The following RELN variants were observed in gnomAD, a reference collection of about 807,000 sequenced individuals.
RELN encodes the protein reelin.
Under a neutral mutation model 427.6 loss-of-function variants are expected in RELN, and 108 were observed. That is an observed-to-expected ratio of 0.25 (90% confidence interval 0.22 to 0.30). The LOEUF (loss-of-function observed/expected upper bound fraction) is 0.30. RELN is among the 10% of genes least tolerant of loss of function. The probability of loss-of-function intolerance (pLI) is 1.00; values close to 1 mark genes in which losing one functional copy is unlikely to be tolerated. For missense variants in RELN, 3,715 were observed against 4,302.8 expected (o/e 0.86, Z 3.82); for synonymous variants, 1,524 against 1,513.4 (o/e 1.01, Z -0.16).
chr7:103,909,718 AT>A lies in RELN; in HGVS notation c.337+7356del, dbSNP rs1290620289. On this transcript the variant is annotated intron_variant, in intron 2 of 64. Coordinates refer to ENST00000428762, the MANE Select transcript of RELN (RefSeq NM_005045.4). ...ATATATTTAATATATATAAATATAT[AT>A]TAAATATATTTTTTAATATATATAA... 2.0e-4 allele frequency among the ~76,000 whole-genome samples: 6 copies of A among 30,172 alleles called. 1 individual carries two copies. Among genetic ancestry groups the A allele is most frequent in the South Asian group, 2.1e-3 (2 of 960 alleles). 19.8% of individuals were successfully genotyped at this position (30,172 alleles called of 152,430 possible).
chr7:103,670,238 A>G (rs1465711154), intron 11 of RELN, among the ~76,000 whole-genome samples: 1 of 152,144 alleles, frequency 6.6e-6, no homozygotes, highest in Non-Finnish European at 1.5e-5. Flanking sequence ...TAGCTTGGCA[A>G]TAACTATCAA....
At chr7:103,820,159 T>C (rs2116368475) in intron 3 of RELN, among the ~76,000 whole-genome samples, 1 of 152,208 alleles carries the variant, frequency 6.6e-6, no homozygotes, top group East Asian at 1.9e-4. Context: ...TGTCTTAGGG[T>C]TAAATAGTAC....
intron 2 of RELN, among the ~76,000 whole-genome samples, chr7:103,907,730 A>G (rs1795245424): frequency 6.6e-6 from 1 of 151,872 alleles, no homozygotes; most frequent in Non-Finnish European, 1.5e-5. Context: ...CTTTAAAAGA[A>G]TATCTGAGAA....
intron 36 of RELN, among the ~76,000 whole-genome samples, chr7:103,558,847 C>T (rs1276835177): frequency 1.3e-5 from 2 of 152,158 alleles, no homozygotes; most frequent in African/African-American, 4.8e-5. Context: ...TGACTCTTTA[C>T]GGATGCACGG....
At chr7:103,897,432 T>C in intron 2 of RELN, among the ~76,000 whole-genome samples, 1 of 152,234 alleles carries the variant, frequency 6.6e-6, no homozygotes, top group East Asian at 1.9e-4. Flanking sequence ...GCTTACCTGG[T>C]GTGTGCTCAC....
intron 46 of RELN, among the ~76,000 whole-genome samples, chr7:103,525,647 T>C (rs774030921): frequency 5.9e-5 from 9 of 152,222 alleles, no homozygotes; most frequent in African/African-American, 1.4e-4. Context: ...GAATACCATA[T>C]TTCCATAGCA....
chr7:103,642,122 G>T (rs1267657596), intron 16 of RELN, among the ~76,000 whole-genome samples: 2 of 152,006 alleles, frequency 1.3e-5, no homozygotes, highest in African/African-American at 4.8e-5. Context: ...TAGTCAAGTT[G>T]AAAAAATTTT....
chr7:103,572,337 G>A (rs1235440631), intron 30 of RELN, 77 bp from the exon 31 acceptor site: 21 of 796,694 alleles, frequency 2.6e-5, no homozygotes, highest in Non-Finnish European at 4.4e-5. Flanking sequence ...TGACACATTA[G>A]AAAAAAACCC....
chr7:103,593,876 A>G lies in RELN; in HGVS notation c.3718T>C (p.Tyr1240His). Residue 1240 changes from tyrosine (Y) to histidine (H), a missense_variant, in exon 27 of 65, where the codon TAT becomes CAT. By Grantham distance (83) the Tyr-to-His change is moderately conservative. This residue lies in a region of RELN where 2,208 missense variants were observed against 2,361.7 expected (regional missense o/e 0.93). Transcript: ENST00000428762. ...GGGTAATCAAAAGCTGGCTTCTCATAAAAGTTCTAATAGAAACAATACAAA... is the reference window on the plus strand; with the variant it reads ...GGGTAATCAAAAGCTGGCTTCTCATGAAAGTTCTAATAGAAACAATACAAA... ...VINPTLPQNF[Y>H]EKPAFDYPMN... 12 of 1,611,854 alleles carry G rather than the reference A, an allele frequency of 7.4e-6. No individual in the cohort carries two copies. Among genetic ancestry groups the G allele is most frequent in the South Asian group, 1.1e-5 (1 of 91,032 alleles).
At chr7:103,732,870 G>A (rs940473470) in intron 6 of RELN, among the ~76,000 whole-genome samples, 2 of 152,068 alleles carry the variant, frequency 1.3e-5, no homozygotes, top group Non-Finnish European at 2.9e-5. Flanking sequence ...TAGGTTGCCT[G>A]TTCACTCTGA....
At chr7:103,717,810 T>C in intron 8 of RELN, among the ~76,000 whole-genome samples, 1 of 152,176 alleles carries the variant, frequency 6.6e-6, no homozygotes, top group Non-Finnish European at 1.5e-5. Flanking sequence ...TAATTTTAAA[T>C]ATATTTCAGT....
At chr7:103,867,939 T>C (rs1794238842) in intron 2 of RELN, among the ~76,000 whole-genome samples, 1 of 152,034 alleles carries the variant, frequency 6.6e-6, no homozygotes, top group Non-Finnish European at 1.5e-5. Context: ...ATCCACTGTG[T>C]CCTCCCACCT....
intron 2 of RELN, among the ~76,000 whole-genome samples, chr7:103,894,423 T>C (rs1210683514): frequency 6.6e-6 from 1 of 152,320 alleles, no homozygotes; most frequent in East Asian, 1.9e-4. Context: ...TCTCAAGCAG[T>C]GCATATTAAA....
chr7:103,498,627 G>T (rs534084278), intron 53 of RELN, among the ~76,000 whole-genome samples: 1 of 152,028 alleles, frequency 6.6e-6, no homozygotes, highest in South Asian at 2.1e-4. Flanking sequence ...GAGTAGCTGG[G>T]ATTACAGGTG....
chr7:103,684,548 C>T (rs563070115), intron 10 of RELN, among the ~76,000 whole-genome samples: 10 of 152,172 alleles, frequency 6.6e-5, no homozygotes, highest in African/African-American at 2.4e-4. Context: ...AAATTGGAAA[C>T]CAAAAACAAT....
chr7:103,773,452 T>TCCCTCCCTCTCTCTCCCTCGCC (rs1791656554), intron 4 of RELN, among the ~76,000 whole-genome samples: 1 of 137,626 alleles, frequency 7.3e-6, no homozygotes, highest in Non-Finnish European at 1.6e-5. Context: ...TCTCCCTCGC[T>TCCCTCCCTCTCTCTCCCTCGCC]CCCTCCCTCT....
At chr7:103,694,833 T>TA (rs1833944285) in intron 10 of RELN, among the ~76,000 whole-genome samples, 1 of 139,920 alleles carries the variant, frequency 7.1e-6, no homozygotes, top group Non-Finnish European at 1.5e-5. Flanking sequence ...CTAGTTTTTT[T>TA]TTTTTAATTT....
At chr7:103,964,392 GTC>G (rs1452175667) in intron 1 of RELN, among the ~76,000 whole-genome samples, 4 of 152,158 alleles carry the variant, frequency 2.6e-5, no homozygotes, top group African/African-American at 9.7e-5. Context: ...ATCAAGCTGT[GTC>G]TCTCTTCTAG....
chr7:103,677,698 G>A (rs1156454129), intron 11 of RELN, among the ~76,000 whole-genome samples: 7 of 146,466 alleles, frequency 4.8e-5, no homozygotes, highest in Admixed American at 6.9e-5. Flanking sequence ...CCCAGGAGGC[G>A]GAGGTTGCAG....
Sources: gnomAD v4.1 joint callset for allele counts (sites outside exome capture counted in the v4.1 genomes callset) on GRCh38, gnomAD v4.1.1 for gene constraint, gnomAD v4.1.1 regional missense constraint, MANE v1.5 for transcripts, NCBI Gene and HGNC (gene_info 2026-07-23, HGNC 2026-07-21) for gene names.